The following MSRA variants were observed in gnomAD, a reference collection of about 807,000 sequenced individuals.
The protein encoded by MSRA is mitochondrial peptide methionine sulfoxide reductase.
MSRA carries 54 observed loss-of-function variants against 31.3 expected under a neutral mutation model. That is an observed-to-expected ratio of 1.73 (90% confidence interval 1.39 to 2.17). The LOEUF is 2.17. Among genes scored for constraint, MSRA ranks in the 30% most tolerant of loss-of-function variants. MSRA has a pLI of 0.00. For synonymous variants in MSRA, 169 were observed against 116.5 expected (o/e 1.45, Z -2.90); for missense variants, 507 against 300.9 (o/e 1.69, Z -5.07).
At chr8:10,215,479 G>A (rs1809908416) in intron 2 of MSRA, among the ~76,000 whole-genome samples, 1 of 152,222 alleles carries the variant, frequency 6.6e-6, no homozygotes, top group Non-Finnish European at 1.5e-5. Context: ...CTCACTCTGG[G>A]TGAGCTGTGA....
chr8:10,253,967 G>A (rs1259563597), intron 3 of MSRA, among the ~76,000 whole-genome samples: 6 of 152,164 alleles, frequency 3.9e-5, no homozygotes, highest in Non-Finnish European at 7.3e-5. Flanking sequence ...TGGGAGTGAA[G>A]CACCCAGACG....
intron 1 of MSRA, among the ~76,000 whole-genome samples, chr8:10,170,906 C>G (rs1805534058): frequency 2.0e-5 from 3 of 152,220 alleles, no homozygotes; most frequent in Non-Finnish European, 4.4e-5. Context: ...TTTGCTATCT[C>G]AATGAATTTT....
At chr8:10,246,541 C>G (rs1432442606) in intron 3 of MSRA, among the ~76,000 whole-genome samples, 3 of 152,054 alleles carry the variant, frequency 2.0e-5, no homozygotes, top group African/African-American at 7.2e-5. Context: ...AAAATAAAGT[C>G]TTAAATAAGT....
At chr8:10,374,640 A>G (rs532348945) in intron 5 of MSRA, among the ~76,000 whole-genome samples, 1 of 152,196 alleles carries the variant, frequency 6.6e-6, no homozygotes, top group Non-Finnish European at 1.5e-5. Flanking sequence ...TTTGCTATGA[A>G]CCATTCAGAG....
chr8:10,372,589 C>A (rs1805541470), intron 5 of MSRA, among the ~76,000 whole-genome samples: 1 of 152,132 alleles, frequency 6.6e-6, no homozygotes. Context: ...GAATCTCCTC[C>A]CACCTCCCTC....
chr8:10,167,064 T>C (rs970804385), intron 1 of MSRA, among the ~76,000 whole-genome samples: 3 of 152,220 alleles, frequency 2.0e-5, no homozygotes, highest in Non-Finnish European at 4.4e-5. Context: ...GCTGGGCTAA[T>C]GATGCCCTTT....
chr8:10,384,942 C>T (rs1806295946), intron 5 of MSRA, among the ~76,000 whole-genome samples: 2 of 152,044 alleles, frequency 1.3e-5, no homozygotes, highest in African/African-American at 2.4e-5. Flanking sequence ...GTTGAGGCTA[C>T]AGTAAGCCGT....
chr8:10,123,336 G>C (rs1019939508), intron 1 of MSRA, among the ~76,000 whole-genome samples: 28 of 152,180 alleles, frequency 1.8e-4, no homozygotes, highest in African/African-American at 6.8e-4. Flanking sequence ...CTATTGAAAA[G>C]TGTCTGTTCA....
chr8:10,170,202 A>G (rs193221779), intron 1 of MSRA, among the ~76,000 whole-genome samples: 5 of 151,686 alleles, frequency 3.3e-5, no homozygotes, highest in Admixed American at 6.6e-5. Flanking sequence ...GGTATTTTCT[A>G]TATGGACAAT....
chr8:10,147,173 G>C (rs1426725761), intron 1 of MSRA, among the ~76,000 whole-genome samples: 1 of 152,162 alleles, frequency 6.6e-6, no homozygotes. Flanking sequence ...AGGGTCTGAC[G>C]GGTCCTCAGG....
chr8:10,195,482 T>G (rs1807891235), intron 1 of MSRA, among the ~76,000 whole-genome samples: 1 of 152,154 alleles, frequency 6.6e-6, no homozygotes, highest in South Asian at 2.1e-4. Context: ...CTCAGGCAAT[T>G]TGCCTACCTT....
intron 1 of MSRA, among the ~76,000 whole-genome samples, chr8:10,122,053 G>A (rs78535248): frequency 4.0e-4 from 61 of 152,114 alleles, no homozygotes; most frequent in Non-Finnish European, 6.6e-4. Flanking sequence ...CAAGAACAGC[G>A]GTCCTGTAAC....
At chr8:10,401,691 A>T (rs1807474975) in intron 5 of MSRA, among the ~76,000 whole-genome samples, 1 of 152,228 alleles carries the variant, frequency 6.6e-6, no homozygotes, top group Admixed American at 6.5e-5. Flanking sequence ...GTAAAAAAAA[A>T]ATGTGACTTA....
chr8:10,413,351 G>A (rs1016972893), intron 5 of MSRA, among the ~76,000 whole-genome samples: 1 of 152,184 alleles, frequency 6.6e-6, no homozygotes, highest in Non-Finnish European at 1.5e-5. Context: ...GGCCACACCT[G>A]AAAGAGAAGA....
At chr8:10,155,931 A>G (rs116194741) in intron 1 of MSRA, among the ~76,000 whole-genome samples, 186 of 152,260 alleles carry the variant, frequency 1.2e-3, no homozygotes, top group African/African-American at 4.2e-3. Context: ...AAACTATTGG[A>G]TGAGAGGCTG....
intron 1 of MSRA, among the ~76,000 whole-genome samples, chr8:10,148,242 A>G (rs1803331743): frequency 6.6e-6 from 1 of 152,234 alleles, no homozygotes; most frequent in Admixed American, 6.5e-5. Flanking sequence ...GAAGTATGTT[A>G]AAATGTATCC....
intron 1 of MSRA, among the ~76,000 whole-genome samples, chr8:10,200,863 G>C (rs1246122341): frequency 6.6e-6 from 1 of 152,124 alleles, no homozygotes; most frequent in Non-Finnish European, 1.5e-5. Flanking sequence ...CCCCAGATTT[G>C]AGTGACAGCC....
chr8:10,182,378 T>C (rs915580845), intron 1 of MSRA, among the ~76,000 whole-genome samples: 12 of 152,132 alleles, frequency 7.9e-5, no homozygotes, highest in Non-Finnish European at 1.6e-4. Context: ...ACATCTATTC[T>C]CTCACAATTT....
intron 3 of MSRA, among the ~76,000 whole-genome samples, chr8:10,283,129 T>TACACACACACACACAC (rs66507479): frequency 2.8e-4 from 39 of 138,450 alleles, no homozygotes; most frequent in South Asian, 4.7e-4. Flanking sequence ...ATATTCACAT[T>TACACACACACACACAC]ACACACACAC....
Sources: allele counts gnomAD v4.1 joint callset (sites outside exome capture counted in the v4.1 genomes callset), GRCh38; gene constraint gnomAD v4.1.1; transcripts MANE v1.5; gene names NCBI Gene and HGNC (gene_info 2026-07-23, HGNC 2026-07-21).